NCR1: variants seen among roughly 807,000 people sequenced by gnomAD.
NCR1 encodes NK cell-activating receptor.
A neutral mutation model predicts 32.5 loss-of-function variants in NCR1; 30 were observed. That is an observed-to-expected ratio of 0.92 (90% CI 0.69 to 1.25). The LOEUF (loss-of-function observed/expected upper bound fraction) is 1.25. Among genes scored for constraint, NCR1 ranks in the 50% most tolerant of loss-of-function variants. The pLI is 0.00. For missense variants in NCR1, 369 were observed against 380.7 expected, an observed-to-expected ratio of 0.97 and a Z score of 0.26; for synonymous variants, 169 against 143.4, an observed-to-expected ratio of 1.18 and a Z score of -1.28.
chr19:54,917,239 C>G (rs1261392811), downstream of NCR1, among the ~76,000 whole-genome samples: 3 of 150,996 alleles, frequency 2.0e-5, no homozygotes, highest in African/African-American at 7.3e-5. Flanking sequence ...CGTTCAAACC[C>G]GGGAGGCAGA....
upstream of NCR1, among the ~76,000 whole-genome samples, chr19:54,905,421 C>T (rs1477103028): frequency 1.3e-5 from 2 of 151,710 alleles, no homozygotes; most frequent in Admixed American, 6.6e-5. Context: ...GAGGCTCGAA[C>T]AGAGAGTCCG....
At chr19:54,905,918 G>C (rs958101670), upstream of NCR1, among the ~76,000 whole-genome samples, 7 of 152,188 alleles carry the variant, frequency 4.6e-5, no homozygotes, top group African/African-American at 1.7e-4. Flanking sequence ...TTGCAGAATT[G>C]AGAAGTTGAC....
chr19:54,938,194 G>A, the NCR1 span: 1 of 1,614,138 alleles, frequency 6.2e-7, no homozygotes, highest in South Asian at 1.1e-5. Context: ...GAGGCGAAGA[G>A]AGCGAAGATC....
rs746478849 is a variant in NCR1, at chr19:54,912,831, C to A, written c.875C>A (p.Thr292Asn). ...RTRERASRAS[T>N]WEGRRRLNTQ... Reference sequence around the variant, plus strand: ...AGAGAGCGAGCCAGCAGAGCTTCCACTTGGGAAGGCAGGAGAAGGCTGAAC... The same window carrying A: ...AGAGAGCGAGCCAGCAGAGCTTCCAATTGGGAAGGCAGGAGAAGGCTGAAC... Residue 292 changes from threonine to asparagine, a missense_variant, in exon 7 of 7, where the codon ACT (threonine) becomes AAT (asparagine). Coordinates refer to ENST00000291890, the MANE Select transcript of NCR1 (RefSeq NM_004829.7). 1 of 1,613,480 alleles carries A rather than the reference C, an allele frequency of 6.2e-7. No homozygotes were observed. The highest frequency in any genetic ancestry group is 8.5e-7 in the Non-Finnish European group (1 of 1,179,988).
At chr19:54,927,528 C>A in the NCR1 span, 2 of 1,467,086 alleles carry the variant, frequency 1.4e-6, no homozygotes, top group Admixed American at 1.7e-5. Flanking sequence ...TGCACTCCAG[C>A]CTGAATGACA....
the NCR1 span, chr19:54,930,610 T>G: frequency 6.2e-7 from 1 of 1,612,510 alleles, no homozygotes; most frequent in Non-Finnish European, 8.5e-7. Context: ...GCAGGCTTCT[T>G]GGAGCGCCTC....
At chr19:54,922,179 C>A in the NCR1 span, among the ~76,000 whole-genome samples, 1 of 152,136 alleles carries the variant, frequency 6.6e-6, no homozygotes, top group Non-Finnish European at 1.5e-5. Flanking sequence ...AGGTGTGAGC[C>A]ACAGCGCCTG....
chr19:54,911,604 G>GA lies in NCR1; in HGVS notation c.683-563dup, dbSNP rs1333183535. Among the ~76,000 whole-genome samples, 4 of 151,650 alleles carry GA rather than the reference G, an allele frequency of 2.6e-5. No homozygotes were observed. In the East Asian group the frequency reaches 7.8e-4, roughly 30 times the overall value. ...CCATCTCTACTAAAAATACAAACAT[G>GA]AGTTGGGTGTGGTGGCGCACGCCAG... On this transcript the variant is annotated intron_variant, in intron 5 of 6. Coordinates refer to ENST00000291890, the MANE Select transcript of NCR1 (RefSeq NM_004829.7).
the NCR1 span, chr19:54,934,479 G>A: frequency 6.2e-7 from 1 of 1,614,022 alleles, no homozygotes; most frequent in East Asian, 2.2e-5. The surrounding 1 kb of genome is among the most constrained non-coding windows in gnomAD (Gnocchi z 6.7). Context: ...CATGGGAAGA[G>A]GAGACTTACG....
the NCR1 span, among the ~76,000 whole-genome samples, chr19:54,928,811 G>GTT: frequency 6.6e-5 from 10 of 151,258 alleles, no homozygotes; most frequent in African/African-American, 1.9e-4. Context: ...CTTTGGTTTT[G>GTT]TTTTTTTTAA....
the NCR1 span, chr19:54,934,352 C>A: frequency 5.7e-6 from 5 of 871,112 alleles, no homozygotes; most frequent in African/African-American, 1.7e-5. The surrounding 1 kb of genome is among the most constrained non-coding windows in gnomAD (Gnocchi z 6.7). Flanking sequence ...CAGGCAGGAG[C>A]CACCGTGCCG....
chr19:54,936,130 A>T, the NCR1 span: 1 of 772,834 alleles, frequency 1.3e-6, no homozygotes, highest in South Asian at 1.5e-5. Context: ...ACTCCCCCAC[A>T]CAGGCCTGTT....
At chr19:54,919,470 C>T (rs541162), downstream of NCR1, among the ~76,000 whole-genome samples, 36,446 of 138,938 alleles carry the variant, frequency 0.26, 2,264 homozygotes, top group African/African-American at 0.31. Flanking sequence ...AGACAGCTTA[C>T]GCCATTATTT....
At chr19:54,933,523 T>G in the NCR1 span, 1 of 1,603,462 alleles carries the variant, frequency 6.2e-7, no homozygotes. Flanking sequence ...ATGTCTCTCC[T>G]GCTTGAATTC....
At chr19:54,905,938 C>T (rs141809849), upstream of NCR1, among the ~76,000 whole-genome samples, 814 of 152,256 alleles carry the variant, frequency 5.3e-3, 5 homozygotes, top group Middle Eastern at 0.01. Context: ...CCCAGAAATG[C>T]ATTTTGGGCT....
At chr19:54,923,401 G>GA in the NCR1 span, 1 of 387,696 alleles carries the variant, frequency 2.6e-6, no homozygotes, top group Non-Finnish European at 4.9e-6. Flanking sequence ...AGAAATAGAA[G>GA]AATCAACCGA....
chr19:54,932,466 G>C, the NCR1 span, among the ~76,000 whole-genome samples: 2 of 151,506 alleles, frequency 1.3e-5, no homozygotes, highest in Non-Finnish European at 1.5e-5. Context: ...CCACTAGCTA[G>C]AATTTCTGAA....
chr19:54,914,179 C>CTTTTTTTTTT (rs901003519), downstream of NCR1, among the ~76,000 whole-genome samples: 1 of 92,626 alleles, frequency 1.1e-5, no homozygotes, highest in Non-Finnish European at 2.0e-5. Flanking sequence ...TTTTTTTTTT[C>CTTTTTTTTTT]TTTTTTTTTG....
intron 5 of NCR1, 138 bp from the exon 6 acceptor site, chr19:54,912,030 G>A (rs1465176548): frequency 4.1e-6 from 3 of 735,242 alleles, no homozygotes; most frequent in East Asian, 5.0e-5. Flanking sequence ...TTTACCTGCT[G>A]GATGAAGCTC....
Sources: allele counts gnomAD v4.1 joint callset (sites outside exome capture counted in the v4.1 genomes callset), GRCh38; gene constraint gnomAD v4.1.1; non-coding constraint Gnocchi (gnomAD v3.1); transcripts MANE v1.5; gene names NCBI Gene and HGNC (gene_info 2026-07-23, HGNC 2026-07-21).